Variants in PCNT observed in about 807,000 individuals in gnomAD.
PCNT encodes pericentrin.
A neutral mutation model predicts 380.4 loss-of-function variants in PCNT; 319 were observed. That is an observed-to-expected ratio of 0.84 (90% CI 0.77 to 0.92). The LOEUF (loss-of-function observed/expected upper bound fraction) is 0.92, where lower values mean the gene tolerates loss of function less well. PCNT is among the 40% of genes least tolerant of loss of function. The pLI is 0.00. For synonymous variants in PCNT, 1,845 were observed against 1,735.2 expected (o/e 1.06, Z -1.57); for missense variants, 4,400 against 4,255.3 (o/e 1.03, Z -0.95).
At chr21:46,427,550 C>T in intron 33 of PCNT, 72 bp from the exon 34 acceptor site, 2 of 1,572,446 alleles carry the variant, frequency 1.3e-6, no homozygotes, top group East Asian at 2.2e-5. Flanking sequence ...AACGCAGTCA[C>T]ACTGCGAACT....
At chr21:46,407,604 A>G (rs531161071) in intron 27 of PCNT, among the ~76,000 whole-genome samples, 1 of 152,184 alleles carries the variant, frequency 6.6e-6, no homozygotes, top group South Asian at 2.1e-4. Context: ...CGGCCTCCCA[A>G]AGTGCTGGGA....
chr21:46,383,095 C>T (rs937305729), intron 16 of PCNT, among the ~76,000 whole-genome samples: 6 of 147,430 alleles, frequency 4.1e-5, no homozygotes, highest in South Asian at 4.5e-4. Context: ...GTGGCGGAAG[C>T]GCATTCACAG....
intron 33 of PCNT, among the ~76,000 whole-genome samples, chr21:46,427,342 G>A (rs1254888932): frequency 6.6e-6 from 1 of 152,210 alleles, no homozygotes; most frequent in East Asian, 1.9e-4. Flanking sequence ...GGCTTAAACA[G>A]CAGACATTGA....
intron 3 of PCNT, among the ~76,000 whole-genome samples, chr21:46,341,563 C>T (rs937061407): frequency 6.6e-6 from 1 of 151,988 alleles, no homozygotes; most frequent in Non-Finnish European, 1.5e-5. Context: ...GATGGGATCT[C>T]ACTATATTGA....
intron 43 of PCNT, among the ~76,000 whole-genome samples, 197 bp from the exon 44 acceptor site, chr21:46,442,300 G>A (rs1017336682): frequency 1.3e-5 from 2 of 152,040 alleles, no homozygotes; most frequent in Non-Finnish European, 2.9e-5. Flanking sequence ...CGCCGCCGCC[G>A]GCAGCCCTGC....
At position 46,363,695 on chromosome 21, in the gene PCNT, G is replaced by A; in HGVS notation, c.2370G>A (p.Glu790=). 6.2e-7 allele frequency: 1 copy of A among 1,614,238 alleles called. No individual in the cohort carries two copies. Among genetic ancestry groups the A allele is most frequent in the Non-Finnish European group, 8.5e-7 (1 of 1,180,040 alleles). ...SEKQTIINKF[E]LREAEMRQLQ... is the part of the protein sequence containing the mutation. ...AACAGACCATCATAAACAAGTTTGA[G>A]CTTCGAGAAGCTGAAATGAGGCAGC... is the stretch of plus-strand genomic sequence containing the variant. Residue 790 remains glutamate, a synonymous_variant, in exon 14 of 47, where the codon GAG becomes GAA. Coordinates refer to ENST00000359568, the MANE Select transcript of PCNT (RefSeq NM_006031.6).
At chr21:46,442,893 C>T (rs2053648427) in intron 44 of PCNT, 5 of 392,754 alleles carry the variant, frequency 1.3e-5, no homozygotes, top group South Asian at 7.2e-5. Context: ...ACTCACTTCA[C>T]GTCTCTTTCC....
At chr21:46,419,647 A>G (rs1383976405) in intron 31 of PCNT, among the ~76,000 whole-genome samples, 3 of 152,290 alleles carry the variant, frequency 2.0e-5, no homozygotes, top group East Asian at 3.9e-4. Flanking sequence ...CCTCGCACAC[A>G]GTGTCCAGGT....
At chr21:46,329,869 C>T (rs1445893379) in intron 2 of PCNT, among the ~76,000 whole-genome samples, 1 of 152,166 alleles carries the variant, frequency 6.6e-6, no homozygotes, top group Non-Finnish European at 1.5e-5. Flanking sequence ...CTCCTGCAGC[C>T]AGGATTCTTC....
At chr21:46,357,601 A>AT (rs1000122467) in intron 13 of PCNT, among the ~76,000 whole-genome samples, 83 of 151,838 alleles carry the variant, frequency 5.5e-4, no homozygotes, top group East Asian at 1.7e-3. Flanking sequence ...TAATTTTTGT[A>AT]TTTTTTTTGT....
rs928502415 is a variant in PCNT at position 46,353,157 on chromosome 21, C to T, written c.1510C>T (p.Leu504=). 1 of 1,613,988 alleles carries T rather than the reference C, an allele frequency of 6.2e-7. No individual in the cohort carries two copies. The highest frequency in any genetic ancestry group is 1.3e-5 in the African/African-American group (1 of 74,932). The change falls in exon 10 of 47, where the codon CTG becomes TTG. Residue 504 remains leucine (L), a synonymous_variant. Coordinates refer to ENST00000359568, the MANE Select transcript of PCNT (RefSeq NM_006031.6). ...RTSRVEDLEQ[L]KQREKTQHES... ...CTCTCGTGTGGAAGATTTAGAACAG[C>T]TGAAGCAGCGAGAAAAAACCCAGCA...
At chr21:46,341,045 G>T (rs192948855) in intron 3 of PCNT, among the ~76,000 whole-genome samples, 27 of 137,500 alleles carry the variant, frequency 2.0e-4, no homozygotes, top group Non-Finnish European at 3.6e-4. Flanking sequence ...CACCATATCC[G>T]GCTGATTTTT....
chr21:46,324,383 C>T (rs2083283870), intron 1 of PCNT, 101 bp downstream of exon 1: 7 of 1,023,218 alleles, frequency 6.8e-6, no homozygotes, highest in East Asian at 2.6e-5. Flanking sequence ...CGCGGTCCGG[C>T]GGAAGCCGCC....
At chr21:46,391,495 G>A (rs1295274353) in intron 21 of PCNT, 119 bp downstream of exon 21, 9 of 810,972 alleles carry the variant, frequency 1.1e-5, no homozygotes, top group Admixed American at 7.8e-5. Flanking sequence ...AAACCAGCAC[G>A]CAGCTTCTCC....
At chr21:46,371,929 G>A (rs62224219) in intron 15 of PCNT, among the ~76,000 whole-genome samples, 141 of 142,200 alleles carry the variant, frequency 9.9e-4, no homozygotes, top group South Asian at 2.5e-3. Flanking sequence ...CAGCACATGC[G>A]CATGCTCACA....
chr21:46,367,414 T>G (rs1262366721), intron 15 of PCNT, among the ~76,000 whole-genome samples: 2 of 152,000 alleles, frequency 1.3e-5, no homozygotes, highest in African/African-American at 4.8e-5. Flanking sequence ...TTCAAGTGAT[T>G]CTTCTGCCTC....
intron 21 of PCNT, among the ~76,000 whole-genome samples, chr21:46,393,157 T>C (rs929222610): frequency 2.6e-5 from 4 of 152,186 alleles, no homozygotes; most frequent in African/African-American, 9.7e-5. Flanking sequence ...CCCCGCACTC[T>C]GTGTGTCCAC....
intron 10 of PCNT, among the ~76,000 whole-genome samples, chr21:46,353,605 C>T (rs547776529): frequency 1.4e-3 from 218 of 150,952 alleles, no homozygotes; most frequent in Admixed American, 4.4e-3. Context: ...TGTGTGTGTG[C>T]ATGAGTCAGT....
intron 31 of PCNT, among the ~76,000 whole-genome samples, chr21:46,420,049 C>T (rs552951630): frequency 1.5e-4 from 23 of 152,308 alleles, no homozygotes; most frequent in South Asian, 6.2e-4. Flanking sequence ...TGGAAGGTAT[C>T]GCGTGCCTGT....
Sources: allele counts gnomAD v4.1 joint callset (sites outside exome capture counted in the v4.1 genomes callset), GRCh38; gene constraint gnomAD v4.1.1; transcripts MANE v1.5; gene names NCBI Gene and HGNC (gene_info 2026-07-23, HGNC 2026-07-21).